Variants in FNTB observed in about 807,000 individuals in gnomAD.
FNTB encodes the protein protein farnesyltransferase subunit beta.
FNTB carries 27 observed loss-of-function variants against 59.4 expected under a neutral mutation model. The observed-to-expected ratio is 0.45, with a 90% CI of 0.34 to 0.63. The LOEUF is 0.63. Among genes scored for constraint, FNTB ranks in the 20% least tolerant of loss-of-function variants. The probability of loss-of-function intolerance (pLI) is 0.02; values close to 1 mark genes in which losing one functional copy is unlikely to be tolerated. For synonymous variants in FNTB, 230 were observed against 220.7 expected, an observed-to-expected ratio of 1.04 and a Z score of -0.37; for missense variants, 449 against 559.6, an observed-to-expected ratio of 0.80 and a Z score of 1.99.
In FNTB at chr14:65,012,450, C is replaced by G. The variant is rs2061698713; in HGVS notation, c.282+61C>G. The G allele has an allele frequency of 3.7e-6, 6 of 1,604,902 alleles. No individual in the cohort carries two copies. In the South Asian group the frequency reaches 6.6e-5, roughly 18 times the overall value. ...TATCCACCAAATCCTCCTCCTTTTT[C>G]TATTTAAACGTAAAAGACTGTTGGG... On this transcript the variant is annotated intron_variant, in intron 3 of 11. Transcript: ENST00000246166. This position sits in a 1 kb window ranked among gnomAD's most constrained non-coding sequence, Gnocchi z 5.0.
intron 1 of FNTB, among the ~76,000 whole-genome samples, chr14:65,002,062 G>C (rs145779985): frequency 6.6e-6 from 1 of 152,118 alleles, no homozygotes; most frequent in Non-Finnish European, 1.5e-5. Flanking sequence ...TTCTCAAAGG[G>C]ACTAGGAGCT....
intron 11 of FNTB, among the ~76,000 whole-genome samples, chr14:65,055,320 TGGA>T (rs1459839573): frequency 3.9e-5 from 6 of 152,096 alleles, no homozygotes; most frequent in Non-Finnish European, 8.8e-5. Context: ...ATGAATCCAA[TGGA>T]GACTGTCCCC....
At position 65,040,116 on chromosome 14, in the gene FNTB, G is replaced by A. The variant is rs1406098378; in HGVS notation, c.693-674G>A. On this transcript the variant is annotated intron_variant, in intron 7 of 11. Coordinates refer to ENST00000246166, the MANE Select transcript of FNTB (RefSeq NM_002028.4). ...GAGGTGGGAGGATTGCCTGAGTCCA[G>A]GAGGTTGAGGCTGCAGTGAGCCATG... 3.9e-5 allele frequency among the ~76,000 whole-genome samples: 6 copies of A among 152,288 alleles called. No homozygotes were observed. In the South Asian group the frequency reaches 8.3e-4, roughly 21 times the overall value.
At chr14:65,057,085 C>T (rs774808532) in intron 11 of FNTB, among the ~76,000 whole-genome samples, 18 of 152,308 alleles carry the variant, frequency 1.2e-4, no homozygotes, top group East Asian at 3.9e-4. Flanking sequence ...TGAGAGCTCA[C>T]GCACTACTGC....
Position 64,994,180 on chromosome 14 carries a change from A to G in FNTB, c.144+7083A>G, listed in dbSNP as rs1888310845. Among the ~76,000 whole-genome samples the G allele has an allele frequency of 1.3e-5, 2 of 152,194 alleles. No individual in the cohort carries two copies. The highest frequency in any genetic ancestry group is 2.9e-5 in the Non-Finnish European group (2 of 68,026). On this transcript the variant is annotated intron_variant, in intron 1 of 11. Coordinates refer to ENST00000246166, the MANE Select transcript of FNTB (RefSeq NM_002028.4). This position sits in a 1 kb window ranked among gnomAD's most constrained non-coding sequence, Gnocchi z 4.2. The stretch of plus-strand genomic sequence containing the variant: ...TAGTGATTGGATTTCTATTGATTAA[A>G]TGAAAAACTCCATGAAATACCTTTT...
chr14:65,053,216 C>T (rs751664453), intron 9 of FNTB, 22 bp from the exon 10 acceptor site: 56 of 1,358,110 alleles, frequency 4.1e-5, no homozygotes, highest in East Asian at 8.3e-5. Context: ...CGGGCCCTTA[C>T]TGACCCTTTG....
intron 11 of FNTB, among the ~76,000 whole-genome samples, chr14:65,059,420 A>G (rs2062812570): frequency 2.6e-5 from 4 of 152,106 alleles, no homozygotes; most frequent in South Asian, 2.1e-4. Context: ...CTGAGAAACC[A>G]TCTAGGTCTA....
At chr14:64,988,575 C>T (rs1888050576) in intron 1 of FNTB, among the ~76,000 whole-genome samples, 1 of 151,360 alleles carries the variant, frequency 6.6e-6, no homozygotes, top group African/African-American at 2.4e-5. Context: ...GCTGAGACTA[C>T]AGGCGCCCAC....
At chr14:65,039,359 C>T (rs2062291114) in intron 7 of FNTB, among the ~76,000 whole-genome samples, 1 of 152,156 alleles carries the variant, frequency 6.6e-6, no homozygotes, top group Non-Finnish European at 1.5e-5. Flanking sequence ...GTACAGTGCT[C>T]CCTCCTCCTC....
intron 9 of FNTB, among the ~76,000 whole-genome samples, chr14:65,049,215 G>T (rs1242030877): frequency 2.0e-5 from 3 of 151,782 alleles, no homozygotes; most frequent in Non-Finnish European, 4.4e-5. Context: ...CAATAAGAAA[G>T]CAGCAGGCCT....
chr14:65,051,796 A>G (rs1016272791), intron 9 of FNTB, among the ~76,000 whole-genome samples: 1 of 148,316 alleles, frequency 6.7e-6, no homozygotes, highest in African/African-American at 2.4e-5. Flanking sequence ...TCACCATAGG[A>G]ATTTTTTTTT....
Position 65,027,439 on chromosome 14 carries a change from G to A in FNTB, c.375-14G>A. ...CTCTCTGACTTTGTTTTTGCCCTTT[G>A]GCTGTGTACCTAGTGTGTGTCAGTT... On this transcript the variant is annotated splice_polypyrimidine_tract_variant and intron_variant, in intron 4 of 11. Coordinates refer to ENST00000246166, the MANE Select transcript of FNTB (RefSeq NM_002028.4). This position sits in a 1 kb window ranked among gnomAD's most constrained non-coding sequence, Gnocchi z 5.7. The A allele has an allele frequency of 6.2e-7, 1 of 1,612,666 alleles. No homozygotes were observed. The highest frequency in any genetic ancestry group is 8.5e-7 in the Non-Finnish European group (1 of 1,179,554).
intron 4 of FNTB, among the ~76,000 whole-genome samples, chr14:65,020,862 G>A (rs989158750): frequency 3.3e-5 from 5 of 151,150 alleles, no homozygotes; most frequent in African/African-American, 1.2e-4. Flanking sequence ...TTCCCAAGTA[G>A]CTAGGATTAC....
At position 65,029,133 on chromosome 14, in the gene FNTB, C is replaced by T. The variant is rs560012434; in HGVS notation, c.605+1352C>T. 6.6e-6 allele frequency among the ~76,000 whole-genome samples: 1 copy of T among 152,264 alleles called. No homozygotes were observed. The highest frequency in any genetic ancestry group is 1.5e-5 in the Non-Finnish European group (1 of 68,028). ...GCCATATTCTTCCCTGACCTTTGCT[C>T]TTTGGGTGATGCTCTGCCATTCGTG... On this transcript the variant is annotated intron_variant, in intron 6 of 11. Transcript: ENST00000246166. The surrounding 1 kb of genome is among the most constrained non-coding windows in gnomAD (Gnocchi z 4.7).
At chr14:65,006,354 T>G in intron 2 of FNTB, 2 of 1,598,376 alleles carry the variant, frequency 1.3e-6, no homozygotes, top group Non-Finnish European at 1.7e-6. Context: ...AAACCAAATC[T>G]CTGCATTAAC....
At chr14:65,037,757 T>TTTA (rs1197393816) in intron 7 of FNTB, among the ~76,000 whole-genome samples, 76 of 128,602 alleles carry the variant, frequency 5.9e-4, no homozygotes, top group African/African-American at 2.2e-3. Flanking sequence ...TATTTATTTA[T>TTTA]TTATTTATTT....
chr14:65,035,773 A>G (rs936504963), intron 7 of FNTB, among the ~76,000 whole-genome samples: 6 of 151,558 alleles, frequency 4.0e-5, no homozygotes, highest in African/African-American at 7.3e-5. Flanking sequence ...GGCTCAGGCT[A>G]TCCACCCACC....
chr14:65,033,442 T>C (rs2062124719), intron 7 of FNTB, among the ~76,000 whole-genome samples: 1 of 152,246 alleles, frequency 6.6e-6, no homozygotes, highest in Non-Finnish European at 1.5e-5. Flanking sequence ...ACTTCAGCTG[T>C]AATAGTTAAC....
chr14:65,062,287 G>C lies in FNTB; in HGVS notation c.*975G>C, dbSNP rs1172610694. 1 of 152,226 alleles carries C rather than the reference G, an allele frequency of 6.6e-6. No homozygotes were observed. Among genetic ancestry groups the C allele is most frequent in the South Asian group, 2.1e-4 (1 of 4,832 alleles). The allele number at this position is 152,226 out of a possible 1,614,324, so 9.4% of individuals were successfully genotyped here. A position where few individuals can be genotyped will look rare whatever the true frequency, so the allele number is the denominator to read the frequency against. On this transcript the variant is annotated 3_prime_UTR_variant, in exon 12 of 12. Transcript: ENST00000246166. This position sits in a 1 kb window ranked among gnomAD's most constrained non-coding sequence, Gnocchi z 4.3. ...AACTTATGACTCAGGATTTATTCAC[G>C]TCCTGCCCACTCTAGGCTCACAGGA...
Sources: gnomAD v4.1 joint callset for allele counts (sites outside exome capture counted in the v4.1 genomes callset) on GRCh38, gnomAD v4.1.1 for gene constraint, Gnocchi (gnomAD v3.1) non-coding constraint, MANE v1.5 for transcripts, NCBI Gene and HGNC (gene_info 2026-07-23, HGNC 2026-07-21) for gene names.